CLSTN2: variants seen among roughly 807,000 people sequenced by gnomAD.
CLSTN2 encodes calsyntenin-2.
A neutral mutation model predicts 101.2 loss-of-function variants in CLSTN2; 48 were observed. The observed-to-expected ratio is 0.47, with a 90% CI of 0.38 to 0.60. The LOEUF is 0.60. Ranked by LOEUF, CLSTN2 falls within the 20% of genes least tolerant of loss-of-function variation. The probability of loss-of-function intolerance (pLI) is 0.00; values close to 1 mark genes in which losing one functional copy is unlikely to be tolerated. For synonymous variants in CLSTN2, 481 were observed against 463.6 expected (o/e 1.04, Z -0.48); for missense variants, 1,160 against 1,238.2 (o/e 0.94, Z 0.95).
chr3:139,965,958 C>A (rs1269010795), intron 1 of CLSTN2, among the ~76,000 whole-genome samples: 7 of 152,314 alleles, frequency 4.6e-5, no homozygotes, highest in Middle Eastern at 3.4e-3. Context: ...AATAGTGATC[C>A]TCTGGTTGCC....
At chr3:140,493,970 A>T (rs1934401025) in intron 8 of CLSTN2, among the ~76,000 whole-genome samples, 1 of 152,230 alleles carries the variant, frequency 6.6e-6, no homozygotes, top group South Asian at 2.1e-4. Flanking sequence ...TTGAGGACAG[A>T]GCTGTCCACA....
intron 8 of CLSTN2, among the ~76,000 whole-genome samples, chr3:140,492,349 A>G (rs938253422): frequency 1.3e-5 from 2 of 152,238 alleles, no homozygotes; most frequent in Non-Finnish European, 2.9e-5. Context: ...ATTAAAAGAC[A>G]TGTATAATCT....
chr3:140,277,854 G>A (rs557912833), intron 2 of CLSTN2, among the ~76,000 whole-genome samples: 4 of 152,298 alleles, frequency 2.6e-5, no homozygotes, highest in African/African-American at 9.6e-5. Flanking sequence ...CATGTTCTGT[G>A]ATGCTTTATT....
chr3:140,473,744 GTT>G (rs34435215), intron 8 of CLSTN2, among the ~76,000 whole-genome samples: 12,159 of 149,116 alleles, frequency 0.082, 647 homozygotes, highest in East Asian at 0.12. Flanking sequence ...GGTTTTTTGT[GTT>G]TTTTTTTTGT....
intron 5 of CLSTN2, among the ~76,000 whole-genome samples, chr3:140,434,972 G>A (rs1226325181): frequency 6.6e-6 from 1 of 152,138 alleles, no homozygotes; most frequent in Non-Finnish European, 1.5e-5. Context: ...TGGGGTTCAT[G>A]AGATGTTTTG....
intron 7 of CLSTN2, among the ~76,000 whole-genome samples, chr3:140,465,688 G>A (rs1175890144): frequency 6.6e-6 from 1 of 152,184 alleles, no homozygotes; most frequent in Non-Finnish European, 1.5e-5. Flanking sequence ...TGATAATCCA[G>A]CTTCAATGTC....
intron 2 of CLSTN2, among the ~76,000 whole-genome samples, chr3:140,288,123 A>G (rs1263693949): frequency 8.7e-5 from 1 of 11,526 alleles, no homozygotes; most frequent in Admixed American, 1.0e-3. Context: ...GCAGAACAGG[A>G]AACCGGCGGG....
intron 5 of CLSTN2, among the ~76,000 whole-genome samples, chr3:140,423,131 C>G (rs1283278583): frequency 5.9e-5 from 9 of 152,238 alleles, no homozygotes; most frequent in African/African-American, 2.2e-4. Flanking sequence ...GAGGCACCTA[C>G]AGATGTGTGA....
intron 1 of CLSTN2, among the ~76,000 whole-genome samples, chr3:140,043,415 T>C (rs546431359): frequency 1.1e-4 from 17 of 152,354 alleles, no homozygotes; most frequent in Admixed American, 9.1e-4. Context: ...TTGTAGATTC[T>C]GGATATTAGC....
chr3:140,228,737 G>A (rs2086345641), intron 2 of CLSTN2, among the ~76,000 whole-genome samples: 1 of 152,214 alleles, frequency 6.6e-6, no homozygotes, highest in Admixed American at 6.5e-5. Context: ...AGCAAGTCAT[G>A]TCTTACATGG....
intron 1 of CLSTN2, among the ~76,000 whole-genome samples, chr3:139,943,123 G>C (rs2107807305): frequency 6.6e-6 from 1 of 152,182 alleles, no homozygotes; most frequent in Middle Eastern, 3.4e-3. Context: ...TGCTTCTGCT[G>C]TGGCCTCTGG....
chr3:140,230,111 G>A (rs747864167), intron 2 of CLSTN2, among the ~76,000 whole-genome samples: 8 of 152,136 alleles, frequency 5.3e-5, no homozygotes, highest in African/African-American at 7.2e-5. Context: ...CACAGCCAGC[G>A]GATGATTGGA....
chr3:140,494,888 T>C (rs112062174), intron 8 of CLSTN2, among the ~76,000 whole-genome samples: 8,457 of 152,300 alleles, frequency 0.056, 764 homozygotes, highest in African/African-American at 0.19. Flanking sequence ...ATTGATTCTA[T>C]GTCTTTGCTA....
chr3:140,198,953 T>G (rs898490371), intron 2 of CLSTN2, among the ~76,000 whole-genome samples: 1 of 152,190 alleles, frequency 6.6e-6, no homozygotes, highest in East Asian at 1.9e-4. Flanking sequence ...TGCCTGGCTC[T>G]CAGCATCTAG....
chr3:140,270,731 C>T (rs1232665261), intron 2 of CLSTN2, among the ~76,000 whole-genome samples: 1 of 152,158 alleles, frequency 6.6e-6, no homozygotes, highest in Non-Finnish European at 1.5e-5. Context: ...CACAAGGACA[C>T]TCAGCATTTC....
At chr3:140,131,010 C>T (rs917218967) in intron 1 of CLSTN2, among the ~76,000 whole-genome samples, 8 of 152,066 alleles carry the variant, frequency 5.3e-5, no homozygotes, top group Non-Finnish European at 1.2e-4. Flanking sequence ...GAAAAACATA[C>T]CAGGGCCATG....
At chr3:140,079,607 C>G (rs1393800015) in intron 1 of CLSTN2, among the ~76,000 whole-genome samples, 1 of 151,870 alleles carries the variant, frequency 6.6e-6, no homozygotes, top group Non-Finnish European at 1.5e-5. Context: ...AAAAATTAGC[C>G]GGGCATGGTG....
At chr3:140,403,173 G>C (rs13071335) in intron 2 of CLSTN2, among the ~76,000 whole-genome samples, 19,575 of 152,184 alleles carry the variant, frequency 0.13, 1,587 homozygotes, top group African/African-American at 0.23. Context: ...AGCTTTTCAG[G>C]CTCCACAGGG....
At chr3:140,081,465 A>C (rs1281342957) in intron 1 of CLSTN2, among the ~76,000 whole-genome samples, 1 of 152,230 alleles carries the variant, frequency 6.6e-6, no homozygotes. Context: ...CCCATGAATC[A>C]GATTCAAAAT....
Sources: allele counts gnomAD v4.1 joint callset (sites outside exome capture counted in the v4.1 genomes callset), GRCh38; gene constraint gnomAD v4.1.1; transcripts MANE v1.5; gene names NCBI Gene and HGNC (gene_info 2026-07-23, HGNC 2026-07-21).